The following TMEFF1 variants were observed in gnomAD, a reference collection of about 807,000 sequenced individuals.
TMEFF1 encodes the protein transmembrane protein with EGF like and two follistatin like domains 1.
TMEFF1 carries 20 observed loss-of-function variants against 47.5 expected under a neutral mutation model. That is an observed-to-expected ratio of 0.42 (90% CI 0.30 to 0.61). The LOEUF (loss-of-function observed/expected upper bound fraction) is 0.61, where lower values mean the gene tolerates loss of function less well. Ranked by LOEUF, TMEFF1 falls within the 20% of genes least tolerant of loss-of-function variation. TMEFF1 has a pLI of 0.19. For missense variants in TMEFF1, 411 were observed against 471.1 expected (o/e 0.87, Z 1.18); for synonymous variants, 162 against 166.3 (o/e 0.97, Z 0.20).
intron 5 of TMEFF1, 80 bp from the exon 6 acceptor site, chr9:100,547,664 A>C (rs918040174): frequency 3.2e-5 from 43 of 1,345,494 alleles, no homozygotes; most frequent in Non-Finnish European, 4.1e-5. Context: ...AGCAGAAGAA[A>C]GAATTGGTCT....
intron 5 of TMEFF1, among the ~76,000 whole-genome samples, chr9:100,534,048 G>A (rs1838457442): frequency 6.6e-6 from 1 of 152,254 alleles, no homozygotes; most frequent in South Asian, 2.1e-4. Flanking sequence ...AAACTTTGAG[G>A]TGAGGGATGG....
intron 5 of TMEFF1, among the ~76,000 whole-genome samples, chr9:100,531,810 T>A (rs1316507293): frequency 6.6e-6 from 1 of 151,618 alleles, no homozygotes; most frequent in Non-Finnish European, 1.5e-5. Flanking sequence ...ACAAAGCTGG[T>A]GGAGGCATCA....
At chr9:100,554,973 TA>T (rs1349867935) in intron 7 of TMEFF1, among the ~76,000 whole-genome samples, 2 of 152,114 alleles carry the variant, frequency 1.3e-5, no homozygotes, top group Non-Finnish European at 2.9e-5. Context: ...CCAGGACAGA[TA>T]GCCAGTGGAA....
intron 2 of TMEFF1, among the ~76,000 whole-genome samples, chr9:100,502,595 C>T (rs899422619): frequency 2.6e-5 from 4 of 152,160 alleles, no homozygotes; most frequent in African/African-American, 9.7e-5. Flanking sequence ...CTCCTGGGCT[C>T]AAGCAGTCTT....
intron 2 of TMEFF1, among the ~76,000 whole-genome samples, chr9:100,508,120 A>G (rs1837894353): frequency 6.6e-6 from 1 of 152,178 alleles, no homozygotes; most frequent in Non-Finnish European, 1.5e-5. Flanking sequence ...TTAACTGGCC[A>G]TTTGTAATTT....
In TMEFF1 at chr9:100,473,865, T is replaced by C. The variant is rs1268778298; in HGVS notation, c.196+125T>C. The C allele has an allele frequency of 6.8e-6, 8 of 1,183,538 alleles. No homozygotes were observed. The highest frequency in any genetic ancestry group is 1.6e-5 in the African/African-American group (1 of 61,752). 73.3% of individuals were successfully genotyped at this position (1,183,538 alleles called of 1,614,324 possible). On this transcript the variant is annotated intron_variant, in intron 1 of 9. Coordinates refer to ENST00000374879, the MANE Select transcript of TMEFF1 (RefSeq NM_003692.5). The surrounding 1 kb of genome is among the most constrained non-coding windows in gnomAD (Gnocchi z 5.4). Reference sequence around the variant, plus strand: ...GGGGTCCCAGGGGTGGGCCCGAGGGTGAGCGAGGGCGGAGGGCAGGGCGCG... The same window carrying C: ...GGGGTCCCAGGGGTGGGCCCGAGGGCGAGCGAGGGCGGAGGGCAGGGCGCG...
intron 1 of TMEFF1, among the ~76,000 whole-genome samples, chr9:100,479,507 A>T (rs1432760722): frequency 6.6e-6 from 1 of 152,180 alleles, no homozygotes; most frequent in East Asian, 1.9e-4. Flanking sequence ...AAGAAACCTC[A>T]TAGCTATTAA....
In TMEFF1 at chr9:100,576,900, A is replaced by G. The variant is rs946944136; in HGVS notation, c.*300A>G. The G allele has an allele frequency of 1.4e-5, 3 of 214,952 alleles. No homozygotes were observed. The highest frequency in any genetic ancestry group is 1.9e-5 in the Non-Finnish European group (2 of 108,106). The allele number at this position is 214,952 out of a possible 1,614,324, so 13.3% of individuals were successfully genotyped here. ...TGGACTACTTCACAAATGGTTATAA[A>G]GTCATATCCACTTCTTCCACAATGA... On this transcript the variant is annotated 3_prime_UTR_variant, in exon 10 of 10. Coordinates refer to ENST00000374879, the MANE Select transcript of TMEFF1 (RefSeq NM_003692.5).
At chr9:100,545,016 T>C (rs1838704192) in intron 5 of TMEFF1, among the ~76,000 whole-genome samples, 1 of 152,170 alleles carries the variant, frequency 6.6e-6, no homozygotes, top group African/African-American at 2.4e-5. Flanking sequence ...CTCTGCAGGG[T>C]ACAGCCTCCA....
At chr9:100,538,525 C>T (rs1480487679) in intron 5 of TMEFF1, among the ~76,000 whole-genome samples, 1 of 152,240 alleles carries the variant, frequency 6.6e-6, no homozygotes, top group Non-Finnish European at 1.5e-5. Flanking sequence ...CTAATTGCAT[C>T]TGTCTCTCAC....
chr9:100,537,710 C>G (rs1055620934), intron 5 of TMEFF1, among the ~76,000 whole-genome samples: 4 of 151,558 alleles, frequency 2.6e-5, no homozygotes, highest in Non-Finnish European at 5.9e-5. Flanking sequence ...GATATTATGA[C>G]TAAATGTTTG....
intron 1 of TMEFF1, among the ~76,000 whole-genome samples, chr9:100,495,323 A>T (rs1014940003): frequency 4.6e-5 from 7 of 152,294 alleles, no homozygotes; most frequent in African/African-American, 1.7e-4. Flanking sequence ...CAAATTCTTT[A>T]TAATGATCCT....
At chr9:100,531,692 C>G (rs1410914725) in intron 5 of TMEFF1, among the ~76,000 whole-genome samples, 1 of 152,064 alleles carries the variant, frequency 6.6e-6, no homozygotes, top group African/African-American at 2.4e-5. Flanking sequence ...AATGCCATCC[C>G]CATCAAGCTA....
chr9:100,560,821 G>A (rs144014224), intron 7 of TMEFF1, among the ~76,000 whole-genome samples: 44 of 152,146 alleles, frequency 2.9e-4, no homozygotes, highest in African/African-American at 1.0e-3. Context: ...TTAAAATAAT[G>A]ACCATATACT....
At chr9:100,474,491 C>T (rs759245769) in intron 1 of TMEFF1, among the ~76,000 whole-genome samples, 11 of 151,906 alleles carry the variant, frequency 7.2e-5, no homozygotes, top group Non-Finnish European at 1.5e-4. Flanking sequence ...AGTTAGTCAC[C>T]CTGGGGTATG....
chr9:100,508,440 A>G (rs1837901775), intron 2 of TMEFF1, among the ~76,000 whole-genome samples: 1 of 152,018 alleles, frequency 6.6e-6, no homozygotes, highest in Admixed American at 6.6e-5. Flanking sequence ...TTACAATAAT[A>G]GGTATTAGGC....
intron 8 of TMEFF1, among the ~76,000 whole-genome samples, chr9:100,568,813 A>G (rs1237930942): frequency 6.6e-6 from 1 of 152,158 alleles, no homozygotes; most frequent in African/African-American, 2.4e-5. Context: ...TGTAAATTGA[A>G]CTATATAGTA....
chr9:100,567,157 C>A (rs1292260823), intron 8 of TMEFF1, among the ~76,000 whole-genome samples: 1 of 152,170 alleles, frequency 6.6e-6, no homozygotes, highest in Non-Finnish European at 1.5e-5. Context: ...CTCTCCCTCA[C>A]CCCCTCTTCT....
At chr9:100,500,214 T>G (rs939330183) in intron 2 of TMEFF1, among the ~76,000 whole-genome samples, 2 of 152,236 alleles carry the variant, frequency 1.3e-5, no homozygotes, top group East Asian at 3.8e-4. Context: ...GATTTTTTCC[T>G]TACTGTTTTT....
Sources: allele counts gnomAD v4.1 joint callset (sites outside exome capture counted in the v4.1 genomes callset), GRCh38; gene constraint gnomAD v4.1.1; non-coding constraint Gnocchi (gnomAD v3.1); transcripts MANE v1.5; gene names NCBI Gene and HGNC (gene_info 2026-07-23, HGNC 2026-07-21).